The following POLA1 variants were observed in gnomAD, a reference collection of about 807,000 sequenced individuals.
POLA1 encodes the protein DNA polymerase alpha 1, catalytic subunit, also known as DNA polymerase alpha catalytic subunit.
Under a neutral mutation model 124.0 loss-of-function variants are expected in POLA1, and 15 were observed. The observed-to-expected ratio is 0.12, with a 90% CI of 0.08 to 0.19. The LOEUF (loss-of-function observed/expected upper bound fraction) is 0.19, where lower values mean the gene tolerates loss of function less well. Ranked by LOEUF, POLA1 falls within the 10% of genes least tolerant of loss-of-function variation. The pLI is 1.00. For missense variants in POLA1, 886 were observed against 1,103.4 expected (o/e 0.80, Z 2.79); for synonymous variants, 408 against 389.4 (o/e 1.05, Z -0.56).
At chrX:24,752,929 A>G (rs781611758) in intron 26 of POLA1, among the ~76,000 whole-genome samples, 1 of 112,091 alleles carries the variant, frequency 8.9e-6, no homozygotes, top group East Asian at 2.8e-4. Context: ...AAGCTAATCT[A>G]AAGGGAATTG....
At chrX:24,894,858 C>T (rs1233711224) in intron 35 of POLA1, among the ~76,000 whole-genome samples, 1 of 107,772 alleles carries the variant, frequency 9.3e-6, no homozygotes, top group East Asian at 2.9e-4. Flanking sequence ...ACAGTCACAG[C>T]TCACTGAAGC....
chrX:24,934,942 C>T lies in POLA1; in HGVS notation c.4261+4393C>T, dbSNP rs543150260. ...TTCACCATGTTGGTCAGGTGGGTCTCAAACTCCTGATTTCATGATCCAGTC... is the reference window on the plus strand; with the variant it reads ...TTCACCATGTTGGTCAGGTGGGTCTTAAACTCCTGATTTCATGATCCAGTC... On this transcript the variant is annotated intron_variant, in intron 36 of 36. Coordinates refer to ENST00000379068, the MANE Select transcript of POLA1 (RefSeq NM_001330360.2). 5.4e-5 allele frequency among the ~76,000 whole-genome samples: 6 copies of T among 111,583 alleles called. No homozygotes were observed. In the South Asian group the frequency reaches 2.3e-3, roughly 42 times the overall value.
At chrX:24,761,871 C>T (rs761653568) in intron 26 of POLA1, among the ~76,000 whole-genome samples, 21 of 111,657 alleles carry the variant, frequency 1.9e-4, no homozygotes, top group Non-Finnish European at 2.8e-4. Context: ...GGAAAGCCTT[C>T]GGTAATGATT....
chrX:24,751,445 A>G (rs1166348433), intron 26 of POLA1, among the ~76,000 whole-genome samples: 1 of 112,295 alleles, frequency 8.9e-6, no homozygotes, highest in East Asian at 2.8e-4. Context: ...CCACTAAAAA[A>G]CAAAGGATTT....
intron 26 of POLA1, among the ~76,000 whole-genome samples, chrX:24,806,986 A>G (rs770135742): frequency 5.4e-5 from 6 of 112,104 alleles, no homozygotes; most frequent in Admixed American, 1.9e-4. Flanking sequence ...GGCATACTCT[A>G]TAGTTTACCA....
At chrX:24,705,555 CATG>C (rs1437317139) in intron 4 of POLA1, among the ~76,000 whole-genome samples, 1 of 111,773 alleles carries the variant, frequency 8.9e-6, no homozygotes, top group Non-Finnish European at 1.9e-5. Context: ...ATAACATTAT[CATG>C]ATATTATCTA....
Position 24,992,731 on chromosome X carries a change from G to T in POLA1, c.4262-3074G>T, listed in dbSNP as rs11573523. 4.2e-3 allele frequency among the ~76,000 whole-genome samples: 469 copies of T among 112,896 alleles called. 1 individual carries two copies. The highest frequency in any genetic ancestry group is 6.4e-3 in the Non-Finnish European group (344 of 53,376). ...GTTTACTGACATGGAACTAAAATAT[G>T]TGAAGTAGAGTTAGTTTCCTTAGAT... On this transcript the variant is annotated intron_variant, in intron 36 of 36. Coordinates refer to ENST00000379068, the MANE Select transcript of POLA1 (RefSeq NM_001330360.2).
chrX:24,722,020 C>T (rs1193184642), intron 10 of POLA1, among the ~76,000 whole-genome samples: 2 of 111,030 alleles, frequency 1.8e-5, no homozygotes, highest in South Asian at 3.9e-4. Flanking sequence ...GAAAGTCTCA[C>T]AACTCTTGTA....
intron 2 of POLA1, 72 bp downstream of exon 2, chrX:24,699,621 C>G: frequency 1.2e-6 from 1 of 854,805 alleles, no homozygotes; most frequent in Non-Finnish European, 1.6e-6. Context: ...AGTCTTATGT[C>G]ACCTTTGCCC....
At chrX:24,787,980 C>G (rs918285263) in intron 26 of POLA1, among the ~76,000 whole-genome samples, 1 of 111,970 alleles carries the variant, frequency 8.9e-6, no homozygotes, top group Non-Finnish European at 1.9e-5. Context: ...TACTAGCAAA[C>G]TGAATTTAAC....
intron 36 of POLA1, among the ~76,000 whole-genome samples, chrX:24,951,219 C>G (rs2048035705): frequency 1.1e-5 from 1 of 94,888 alleles, no homozygotes; most frequent in Non-Finnish European, 2.1e-5. Context: ...TGTCCCCTTC[C>G]TCACTACCTT....
Position 24,988,855 on chromosome X carries a change from A to G in POLA1, c.4262-6950A>G, listed in dbSNP as rs180834446. On this transcript the variant is annotated intron_variant, in intron 36 of 36. Transcript: ENST00000379068. ...GTGGCAGGCACCTGTAATCCTAGCT[A>G]CTCGGGAGGATGAGGCAGGAGAATT... is the stretch of plus-strand genomic sequence containing the variant. Among the ~76,000 whole-genome samples, 4 of 111,091 alleles carry G rather than the reference A, an allele frequency of 3.6e-5. No individual in the cohort carries two copies. In the Admixed American group the frequency reaches 3.8e-4, roughly 11 times the overall value.
Position 24,826,504 on chromosome X carries a change from C to T in POLA1, c.3639C>T (p.Asp1213=), listed in dbSNP as rs1388081616. ...QLQKQDNLTI[D]TQYYLAQQIH... is the part of the protein sequence containing the mutation. ...AGAAACAGGATAATCTAACCATTGA[C>T]ACCCAGTACTACCTGGCCCAGCAGA... is the stretch of plus-strand genomic sequence containing the variant. Residue 1213 remains aspartate (D), a synonymous_variant, in exon 32 of 37, where the codon GAC becomes GAT. Transcript: ENST00000379068. 41 of 1,201,712 alleles carry T rather than the reference C, an allele frequency of 3.4e-5. No homozygotes were observed. The Admixed American group carries it at 9.0e-4, about 26-fold the overall frequency.
rs112845559 is a variant in POLA1 at position 24,808,977 on chromosome X, C to T, written c.2965-921C>T. On this transcript the variant is annotated intron_variant, in intron 26 of 36. Coordinates refer to ENST00000379068, the MANE Select transcript of POLA1 (RefSeq NM_001330360.2). The stretch of plus-strand genomic sequence containing the variant: ...CATGGAGTGACTAAGACCCCATACT[C>T]GAGTCAGAATGCTTGGGTTCATATC... Among the ~76,000 whole-genome samples, 809 of 111,582 alleles carry T rather than the reference C, an allele frequency of 7.3e-3. 5 individuals are homozygous for T. The highest frequency in any genetic ancestry group is 0.025 in the African/African-American group (754 of 30,762).
chrX:24,702,763 A>G (rs1024496559), intron 2 of POLA1, among the ~76,000 whole-genome samples: 2 of 112,372 alleles, frequency 1.8e-5, no homozygotes, highest in Non-Finnish European at 3.8e-5. Flanking sequence ...AAGGGGATGG[A>G]TGAGGGAGAT....
At chrX:24,736,518 C>T (rs1198361600) in intron 18 of POLA1, among the ~76,000 whole-genome samples, 3 of 111,517 alleles carry the variant, frequency 2.7e-5, no homozygotes, top group Admixed American at 9.5e-5. Flanking sequence ...CAAGTCTATG[C>T]GTGAGAAATC....
At chrX:24,963,844 T>C (rs1160597983) in intron 36 of POLA1, among the ~76,000 whole-genome samples, 1 of 111,737 alleles carries the variant, frequency 8.9e-6, no homozygotes, top group Non-Finnish European at 1.9e-5. Flanking sequence ...ACCTAATTTT[T>C]CCCCCAAACT....
intron 36 of POLA1, among the ~76,000 whole-genome samples, chrX:24,993,610 TG>T (rs1316174734): frequency 9.0e-6 from 1 of 111,578 alleles, no homozygotes; most frequent in Non-Finnish European, 1.9e-5. Context: ...AGGCCTAACG[TG>T]GGTGGCCCAG....
intron 26 of POLA1, among the ~76,000 whole-genome samples, chrX:24,762,886 C>T (rs558954733): frequency 2.7e-5 from 3 of 110,419 alleles, no homozygotes; most frequent in South Asian, 3.9e-4. Flanking sequence ...TACAGGTGTG[C>T]GCCACCACTC....
Sources: allele counts gnomAD v4.1 joint callset (sites outside exome capture counted in the v4.1 genomes callset), GRCh38; gene constraint gnomAD v4.1.1; transcripts MANE v1.5; gene names NCBI Gene and HGNC (gene_info 2026-07-23, HGNC 2026-07-21).